Variants in MIPEP observed in about 807,000 individuals in gnomAD.
MIPEP encodes the protein mitochondrial intermediate peptidase.
MIPEP carries 79 observed loss-of-function variants against 90.3 expected under a neutral mutation model. The observed-to-expected ratio is 0.87, with a 90% CI of 0.73 to 1.05. The LOEUF (loss-of-function observed/expected upper bound fraction) is 1.05. MIPEP is among the 50% of genes least tolerant of loss of function. The pLI, the probability that MIPEP is intolerant of heterozygous loss-of-function variation, is 0.00. For synonymous variants in MIPEP, 334 were observed against 315.8 expected (o/e 1.06, Z -0.61); for missense variants, 940 against 905.6 (o/e 1.04, Z -0.49).
intron 14 of MIPEP, among the ~76,000 whole-genome samples, chr13:23,815,529 G>A (rs1593170320): frequency 1.3e-5 from 2 of 152,204 alleles, no homozygotes; most frequent in African/African-American, 4.8e-5. Flanking sequence ...GGCTGGTCTC[G>A]AACTCCTGAC....
At chr13:23,866,740 T>A (rs963587627) in intron 7 of MIPEP, among the ~76,000 whole-genome samples, 2 of 152,198 alleles carry the variant, frequency 1.3e-5, no homozygotes, top group African/African-American at 4.8e-5. Flanking sequence ...CTTAGTGGTA[T>A]CAGAATCTCA....
chr13:23,876,695 CT>C (rs1170761334), intron 4 of MIPEP, among the ~76,000 whole-genome samples: 1 of 97,372 alleles, frequency 1.0e-5, no homozygotes, highest in Admixed American at 1.1e-4. Context: ...TTTGTGTGTT[CT>C]GACTTTGAAT....
chr13:23,796,324 T>A (rs1188421242), intron 16 of MIPEP, among the ~76,000 whole-genome samples: 1 of 151,924 alleles, frequency 6.6e-6, no homozygotes, highest in East Asian at 1.9e-4. Context: ...GGCTGAGGCA[T>A]GAGAATTGCT....
intron 10 of MIPEP, among the ~76,000 whole-genome samples, chr13:23,846,838 GA>G (rs1241199395): frequency 6.6e-6 from 1 of 152,098 alleles, no homozygotes; most frequent in Non-Finnish European, 1.5e-5. Context: ...TGATGATGAT[GA>G]TGATGATGAT....
At chr13:23,844,488 C>T (rs1296106781) in intron 10 of MIPEP, among the ~76,000 whole-genome samples, 5 of 152,088 alleles carry the variant, frequency 3.3e-5, no homozygotes, top group Admixed American at 2.0e-4. Context: ...AGGCAGGCAG[C>T]CATAGAGAAT....
At chr13:23,772,155 T>C (rs1418897187) in intron 16 of MIPEP, among the ~76,000 whole-genome samples, 3 of 152,324 alleles carry the variant, frequency 2.0e-5, no homozygotes, top group Middle Eastern at 3.4e-3. Flanking sequence ...TGTTACCACC[T>C]GTATTTTGTT....
chr13:23,759,971 T>C, intron 17 of MIPEP, 125 bp downstream of exon 17: 1 of 1,223,676 alleles, frequency 8.2e-7, no homozygotes, highest in Non-Finnish European at 1.2e-6. Context: ...GTGGGGAGCC[T>C]GCCACTTTCT....
Position 23,880,716 on chromosome 13 carries a change from T to C in MIPEP, c.452+983A>G, listed in dbSNP as rs148810132. On this transcript the variant is annotated intron_variant, in intron 3 of 18. Coordinates refer to ENST00000382172, the MANE Select transcript of MIPEP (RefSeq NM_005932.4). The stretch of plus-strand genomic sequence containing the variant: ...GCCCCGTTCTGTCCCATTACGCAAG[T>C]TGGTTTTCAGCGGCTATGGGAAAAG... 2.4e-3 allele frequency among the ~76,000 whole-genome samples: 373 copies of C among 152,292 alleles called. 5 individuals are homozygous for C. The highest frequency in any genetic ancestry group is 8.5e-3 in the African/African-American group (355 of 41,548).
chr13:23,791,930 A>G (rs540550505), intron 16 of MIPEP, among the ~76,000 whole-genome samples: 1 of 152,254 alleles, frequency 6.6e-6, no homozygotes, highest in East Asian at 1.9e-4. Context: ...GCTAAATCCA[A>G]TAGTTGTTGC....
intron 16 of MIPEP, among the ~76,000 whole-genome samples, chr13:23,765,718 T>C (rs1167498815): frequency 4.6e-5 from 7 of 152,192 alleles, no homozygotes; most frequent in Non-Finnish European, 1.0e-4. Context: ...GCTGAATGAA[T>C]GGATGGACAG....
chr13:23,730,842 C>T (rs1761849396), intron 18 of MIPEP, among the ~76,000 whole-genome samples: 1 of 152,266 alleles, frequency 6.6e-6, no homozygotes, highest in Admixed American at 6.5e-5. Context: ...GTTCTATACA[C>T]TTTACAATCA....
intron 10 of MIPEP, among the ~76,000 whole-genome samples, chr13:23,851,719 G>T (rs1291374784): frequency 1.3e-5 from 2 of 151,398 alleles, no homozygotes; most frequent in African/African-American, 4.9e-5. Context: ...TTAAGAGATG[G>T]AGTCTCACTC....
At chr13:23,763,407 G>C (rs886983484) in intron 16 of MIPEP, among the ~76,000 whole-genome samples, 1 of 152,174 alleles carries the variant, frequency 6.6e-6, no homozygotes, top group Non-Finnish European at 1.5e-5. Context: ...ACAGTTAAGG[G>C]GCTTTGTCTT....
At chr13:23,737,127 G>A (rs1290072438) in intron 18 of MIPEP, among the ~76,000 whole-genome samples, 1 of 152,278 alleles carries the variant, frequency 6.6e-6, no homozygotes, top group Non-Finnish European at 1.5e-5. Flanking sequence ...CAACTTACAC[G>A]GCTTCCGTTC....
chr13:23,840,982 A>G (rs564572247), intron 11 of MIPEP, among the ~76,000 whole-genome samples: 1 of 152,332 alleles, frequency 6.6e-6, no homozygotes, highest in South Asian at 2.1e-4. Context: ...AAGGTCACTT[A>G]TCCAATGGAT....
chr13:23,786,220 C>A (rs1035251574), intron 16 of MIPEP, among the ~76,000 whole-genome samples: 2 of 151,936 alleles, frequency 1.3e-5, no homozygotes, highest in African/African-American at 4.8e-5. Flanking sequence ...GAGTGAGGAC[C>A]GTATCTTAAA....
At chr13:23,825,065 T>C (rs527874921) in intron 14 of MIPEP, among the ~76,000 whole-genome samples, 1 of 152,336 alleles carries the variant, frequency 6.6e-6, no homozygotes, top group Non-Finnish European at 1.5e-5. Context: ...GGAGGCTTGC[T>C]AAATTTTAAT....
intron 10 of MIPEP, among the ~76,000 whole-genome samples, chr13:23,855,535 A>T (rs1038056318): frequency 1.3e-5 from 2 of 152,164 alleles, no homozygotes; most frequent in African/African-American, 2.4e-5. Flanking sequence ...AAGGTGATGA[A>T]TTTAACAAGG....
At chr13:23,778,734 A>G (rs1441470919) in intron 16 of MIPEP, among the ~76,000 whole-genome samples, 1 of 108,336 alleles carries the variant, frequency 9.2e-6, no homozygotes, top group East Asian at 3.2e-4. Flanking sequence ...ATAATAATAC[A>G]TGACATCTGC....
Sources: allele counts gnomAD v4.1 joint callset (sites outside exome capture counted in the v4.1 genomes callset), GRCh38; gene constraint gnomAD v4.1.1; transcripts MANE v1.5; gene names NCBI Gene and HGNC (gene_info 2026-07-23, HGNC 2026-07-21).